KCNMA1: variants seen among roughly 807,000 people sequenced by gnomAD.
KCNMA1 encodes the protein potassium calcium-activated channel subfamily M alpha 1.
Under a neutral mutation model 140.0 loss-of-function variants are expected in KCNMA1, and 29 were observed. The ratio of observed to expected loss-of-function variants is 0.21; its 90% confidence interval spans 0.15 to 0.28. The LOEUF (loss-of-function observed/expected upper bound fraction) is 0.28, where lower values mean the gene tolerates loss of function less well. Ranked by LOEUF, KCNMA1 falls within the 10% of genes least tolerant of loss-of-function variation. KCNMA1 has a pLI of 1.00. For missense variants in KCNMA1, 880 were observed against 1,602.2 expected (o/e 0.55, Z 7.70); for synonymous variants, 612 against 611.9 (o/e 1.00, Z 0.00).
chr10:77,456,627 G>A (rs1017448620), intron 1 of KCNMA1, among the ~76,000 whole-genome samples: 1 of 152,188 alleles, frequency 6.6e-6, no homozygotes, highest in African/African-American at 2.4e-5. Flanking sequence ...GGAGGAGACT[G>A]GGCCCTCTTT....
rs193074168 is a variant in KCNMA1, at chr10:77,131,740, G to A, written c.809-10692C>T. On this transcript the variant is annotated intron_variant, in intron 5 of 27. Transcript: ENST00000286628. ...AGCACTTTGGGAGGCTGAGGCAGGCGGATCACTTGAGGTCAGGAGTTCGAG... is the reference window on the plus strand; with the variant it reads ...AGCACTTTGGGAGGCTGAGGCAGGCAGATCACTTGAGGTCAGGAGTTCGAG... Among the ~76,000 whole-genome samples the A allele has an allele frequency of 8.0e-3, 1,224 of 152,080 alleles. 16 individuals carry two copies. Among genetic ancestry groups the A allele is most frequent in the African/African-American group, 0.028 (1,161 of 41,460 alleles).
chr10:76,925,045 C>T (rs982906455), intron 23 of KCNMA1, among the ~76,000 whole-genome samples: 9 of 152,148 alleles, frequency 5.9e-5, no homozygotes, highest in Admixed American at 1.3e-4. Context: ...AGGACGTCTG[C>T]CTTGAATAAC....
At chr10:77,456,327 T>A (rs2097761974) in intron 1 of KCNMA1, among the ~76,000 whole-genome samples, 1 of 152,200 alleles carries the variant, frequency 6.6e-6, no homozygotes, top group Non-Finnish European at 1.5e-5. Flanking sequence ...CCTTCTCATG[T>A]CAGCTTGCAC....
intron 23 of KCNMA1, among the ~76,000 whole-genome samples, chr10:76,941,014 G>GAGGA (rs2061858363): frequency 3.6e-5 from 1 of 28,116 alleles, no homozygotes; most frequent in African/African-American, 1.4e-4. Flanking sequence ...AGGAAGGAAG[G>GAGGA]AAGGAAGAAA....
In KCNMA1 at chr10:77,307,927, T is replaced by G. The variant is rs551976519; in HGVS notation, c.541-56671A>C. 5.3e-5 allele frequency among the ~76,000 whole-genome samples: 8 copies of G among 152,302 alleles called. No individual in the cohort carries two copies. The South Asian group carries it at 1.7e-3, about 32-fold the overall frequency. On this transcript the variant is annotated intron_variant, in intron 2 of 27. Coordinates refer to ENST00000286628, the MANE Select transcript of KCNMA1 (RefSeq NM_001161352.2). ...TAACACCATTGTACGTTGAGAAGCA[T>G]CTCATTCTACCTTGCTTAGATTCAA... is the stretch of plus-strand genomic sequence containing the variant.
chr10:77,446,991 C>A (rs896657567), intron 1 of KCNMA1, among the ~76,000 whole-genome samples: 1 of 152,246 alleles, frequency 6.6e-6, no homozygotes, highest in African/African-American at 2.4e-5. Context: ...TCATCAAGCT[C>A]TGCATGCCAT....
chr10:77,483,438 C>T (rs143726623), intron 1 of KCNMA1, among the ~76,000 whole-genome samples: 71 of 152,288 alleles, frequency 4.7e-4, no homozygotes, highest in African/African-American at 1.5e-3. Context: ...TGGGGCTCAT[C>T]GGGGCAGGTG....
chr10:77,112,535 G>A, intron 6 of KCNMA1, 93 bp from the exon 7 acceptor site: 1 of 850,878 alleles, frequency 1.2e-6, no homozygotes, highest in Non-Finnish European at 2.0e-6. Flanking sequence ...CTTAGCAGGA[G>A]AGGCTGCCAC....
intron 1 of KCNMA1, among the ~76,000 whole-genome samples, chr10:77,442,679 A>G (rs2097433394): frequency 6.6e-6 from 1 of 152,162 alleles, no homozygotes; most frequent in African/African-American, 2.4e-5. Context: ...GTGCTTGCTA[A>G]GGGGTGTTAC....
At chr10:77,027,158 G>A (rs1350160951) in intron 16 of KCNMA1, among the ~76,000 whole-genome samples, 3 of 152,126 alleles carry the variant, frequency 2.0e-5, no homozygotes, top group Admixed American at 1.3e-4. Context: ...TTGTTAGCAC[G>A]ATGCTTCCCA....
At chr10:77,352,935 C>T (rs772037214) in intron 2 of KCNMA1, among the ~76,000 whole-genome samples, 3 of 152,180 alleles carry the variant, frequency 2.0e-5, no homozygotes, top group Non-Finnish European at 4.4e-5. Context: ...CAGCTCTCCC[C>T]GACTTAGTTG....
At chr10:77,393,236 G>C (rs961298494) in intron 2 of KCNMA1, among the ~76,000 whole-genome samples, 1 of 151,902 alleles carries the variant, frequency 6.6e-6, no homozygotes, top group African/African-American at 2.4e-5. Context: ...GAGCTGCTCA[G>C]CACTCTTGGA....
intron 1 of KCNMA1, among the ~76,000 whole-genome samples, chr10:77,590,007 G>C (rs1390019087): frequency 6.6e-6 from 1 of 152,180 alleles, no homozygotes; most frequent in African/African-American, 2.4e-5. Context: ...CCCTGAGCTA[G>C]ACACAAAGGT....
intron 1 of KCNMA1, among the ~76,000 whole-genome samples, chr10:77,604,529 A>C (rs1230573123): frequency 1.4e-5 from 2 of 143,878 alleles, no homozygotes; most frequent in African/African-American, 5.3e-5. Context: ...ACAGAATGAG[A>C]CCTCATTTCT....
chr10:77,326,812 G>C (rs971876324), intron 2 of KCNMA1, among the ~76,000 whole-genome samples: 3 of 152,274 alleles, frequency 2.0e-5, no homozygotes, highest in African/African-American at 7.2e-5. Context: ...TTGGGCCTCA[G>C]CTTCCTTAGC....
chr10:77,597,932 T>C (rs575328026), intron 1 of KCNMA1, among the ~76,000 whole-genome samples: 7 of 152,340 alleles, frequency 4.6e-5, no homozygotes, highest in Non-Finnish European at 8.8e-5. Context: ...GCACTTATCA[T>C]TGGCTGCATT....
chr10:77,281,813 T>C (rs1027669273), intron 2 of KCNMA1, among the ~76,000 whole-genome samples: 2 of 152,222 alleles, frequency 1.3e-5, no homozygotes, highest in African/African-American at 4.8e-5. Flanking sequence ...TATGAGTTAA[T>C]TTGTATTAAA....
rs140980384 is a variant in KCNMA1, at chr10:77,575,071, A to T, written c.378+62194T>A. ...GACCAGAACCCTGTGTTTGTTGCCC[A>T]GCCTCCTGGGAGATGGGCAGTGGCA... is the stretch of plus-strand genomic sequence containing the variant. On this transcript the variant is annotated intron_variant, in intron 1 of 27. Transcript: ENST00000286628. Among the ~76,000 whole-genome samples, 1,042 of 152,252 alleles carry T rather than the reference A, an allele frequency of 6.8e-3. 13 individuals carry two copies. The highest frequency in any genetic ancestry group is 0.048 in the Middle Eastern group (14 of 294).
intron 1 of KCNMA1, among the ~76,000 whole-genome samples, chr10:77,554,207 C>T (rs916290390): frequency 2.0e-5 from 3 of 152,144 alleles, no homozygotes; most frequent in Non-Finnish European, 4.4e-5. Context: ...GGTTGCAGCA[C>T]AGGGAACAGC....
Sources: allele counts gnomAD v4.1 joint callset (sites outside exome capture counted in the v4.1 genomes callset), GRCh38; gene constraint gnomAD v4.1.1; transcripts MANE v1.5; gene names NCBI Gene and HGNC (gene_info 2026-07-23, HGNC 2026-07-21).